The following RYR3 variants were observed in gnomAD, a reference collection of about 807,000 sequenced individuals.
RYR3 encodes the protein brain ryanodine receptor-calcium release channel.
A neutral mutation model predicts 584.3 loss-of-function variants in RYR3; 207 were observed. The observed-to-expected ratio is 0.35, with a 90% confidence interval of 0.32 to 0.40. RYR3 has a LOEUF of 0.40. Ranked by LOEUF, RYR3 falls within the 10% of genes least tolerant of loss-of-function variation. The probability of loss-of-function intolerance (pLI) is 1.00; values close to 1 mark genes in which losing one functional copy is unlikely to be tolerated. For synonymous variants in RYR3, 2,416 were observed against 2,248.5 expected (o/e 1.07, Z -2.11); for missense variants, 5,616 against 6,089.2 (o/e 0.92, Z 2.59).
chr15:33,707,794 C>A (rs2066821576), intron 43 of RYR3, among the ~76,000 whole-genome samples: 1 of 152,166 alleles, frequency 6.6e-6, no homozygotes, highest in Non-Finnish European at 1.5e-5. Flanking sequence ...AGAGAGATTG[C>A]AGCTAACACA....
intron 1 of RYR3, among the ~76,000 whole-genome samples, chr15:33,442,213 T>C (rs146082559): frequency 6.6e-6 from 1 of 152,224 alleles, no homozygotes; most frequent in Non-Finnish European, 1.5e-5. Flanking sequence ...TTAATTAATG[T>C]AATAAATTAC....
chr15:33,355,043 G>A (rs1230995421), intron 1 of RYR3, among the ~76,000 whole-genome samples: 1 of 152,014 alleles, frequency 6.6e-6, no homozygotes, highest in Non-Finnish European at 1.5e-5. Context: ...AATTAGCCGG[G>A]CGTGGTGGTA....
intron 28 of RYR3, among the ~76,000 whole-genome samples, chr15:33,645,643 G>T (rs1271016321): frequency 6.6e-6 from 1 of 152,186 alleles, no homozygotes; most frequent in Non-Finnish European, 1.5e-5. Flanking sequence ...GTTCTATAGA[G>T]AGCAAAGAAG....
chr15:33,486,461 A>G (rs2050433362), intron 2 of RYR3, among the ~76,000 whole-genome samples: 1 of 152,158 alleles, frequency 6.6e-6, no homozygotes, highest in African/African-American at 2.4e-5. Context: ...TCACCTTGTA[A>G]GAGGGCCTCC....
chr15:33,698,685 G>A (rs1318544712), intron 40 of RYR3, among the ~76,000 whole-genome samples: 3 of 152,026 alleles, frequency 2.0e-5, no homozygotes, highest in South Asian at 2.1e-4. Flanking sequence ...GGAGGGGGTG[G>A]GTGTGTAGAA....
chr15:33,550,342 A>C, intron 10 of RYR3, 26 bp downstream of exon 10: 3 of 1,586,516 alleles, frequency 1.9e-6, no homozygotes, highest in Non-Finnish European at 1.7e-6. Context: ...GTGGACTTTG[A>C]CCCTGTTCTA....
intron 51 of RYR3, among the ~76,000 whole-genome samples, chr15:33,740,754 C>G (rs2070010274): frequency 6.6e-6 from 1 of 152,166 alleles, no homozygotes; most frequent in South Asian, 2.1e-4. Context: ...TATATGAGCC[C>G]CTTGGACCTG....
chr15:33,587,032 C>T (rs547324068), intron 16 of RYR3, among the ~76,000 whole-genome samples: 65 of 87,732 alleles, frequency 7.4e-4, no homozygotes, highest in African/African-American at 1.8e-3. Flanking sequence ...GGGGGGACTG[C>T]GTATTTGAGA....
At chr15:33,669,638 CAG>C (rs1167279150) in intron 37 of RYR3, among the ~76,000 whole-genome samples, 182 bp downstream of exon 37, 1 of 152,116 alleles carries the variant, frequency 6.6e-6, no homozygotes, top group Non-Finnish European at 1.5e-5. Context: ...GTAACCCTGA[CAG>C]AATATATGAC....
intron 1 of RYR3, among the ~76,000 whole-genome samples, chr15:33,464,489 T>TAC (rs140850611): frequency 3.4e-4 from 23 of 67,448 alleles, no homozygotes; most frequent in East Asian, 9.1e-4. Flanking sequence ...TATATATATA[T>TAC]ACACATATAT....
chr15:33,463,992 T>A (rs2048246159), intron 1 of RYR3, among the ~76,000 whole-genome samples: 1 of 152,088 alleles, frequency 6.6e-6, no homozygotes, highest in South Asian at 2.1e-4. Context: ...TACTACTTAG[T>A]AAGAACTAAA....
intron 1 of RYR3, among the ~76,000 whole-genome samples, chr15:33,467,821 C>T (rs1012628598): frequency 6.6e-6 from 1 of 152,216 alleles, no homozygotes; most frequent in African/African-American, 2.4e-5. Context: ...GTGTTGCAAT[C>T]ATGGGGAATA....
chr15:33,672,481 T>C (rs1831373044), intron 38 of RYR3, among the ~76,000 whole-genome samples: 1 of 152,144 alleles, frequency 6.6e-6, no homozygotes, highest in Admixed American at 6.5e-5. Flanking sequence ...ATCCCAGAAA[T>C]AGACGAAATG....
chr15:33,850,777 A>G (rs2079048092), intron 94 of RYR3: 1 of 152,180 alleles, frequency 6.6e-6, no homozygotes, highest in African/African-American at 2.4e-5. Context: ...TGAGAGCTTA[A>G]AAATCCCCTG....
intron 31 of RYR3, among the ~76,000 whole-genome samples, chr15:33,650,118 C>G (rs1334389529): frequency 6.6e-6 from 1 of 152,178 alleles, no homozygotes; most frequent in Non-Finnish European, 1.5e-5. Context: ...GTGGCTCACG[C>G]TTGTAATCAC....
chr15:33,368,470 A>C (rs1975827939), intron 1 of RYR3, among the ~76,000 whole-genome samples: 1 of 149,532 alleles, frequency 6.7e-6, no homozygotes, highest in Non-Finnish European at 1.5e-5. Context: ...AGCAGCCCCC[A>C]CATTAGTCTG....
At chr15:33,674,327 A>G (rs899521408) in intron 38 of RYR3, among the ~76,000 whole-genome samples, 2 of 152,148 alleles carry the variant, frequency 1.3e-5, no homozygotes, top group Non-Finnish European at 2.9e-5. Flanking sequence ...AATTCTCTCC[A>G]AAGAGCCTCT....
intron 18 of RYR3, 93 bp downstream of exon 18, chr15:33,603,457 T>C: frequency 7.6e-7 from 1 of 1,319,418 alleles, no homozygotes; most frequent in Non-Finnish European, 1.0e-6. Flanking sequence ...CCATTTGAAA[T>C]GATACAGACT....
intron 1 of RYR3, among the ~76,000 whole-genome samples, chr15:33,430,180 T>C (rs1007558127): frequency 6.6e-6 from 1 of 152,374 alleles, no homozygotes; most frequent in Admixed American, 6.5e-5. Context: ...CAAACACTTA[T>C]ATCAGGATTG....
Sources: allele counts gnomAD v4.1 joint callset (sites outside exome capture counted in the v4.1 genomes callset), GRCh38; gene constraint gnomAD v4.1.1; transcripts MANE v1.5; gene names NCBI Gene and HGNC (gene_info 2026-07-23, HGNC 2026-07-21).